Variants in ANK2 observed in about 807,000 individuals in gnomAD.
ANK2 encodes ankyrin 2, also known as ankyrin-2.
In ANK2, 83 loss-of-function variants were observed where a neutral mutation model predicts 360.5. That is an observed-to-expected ratio of 0.23 (90% confidence interval 0.19 to 0.28). ANK2 has a LOEUF of 0.28. ANK2 is among the 10% of genes least tolerant of loss of function. The probability of loss-of-function intolerance (pLI) is 1.00; values close to 1 mark genes in which losing one functional copy is unlikely to be tolerated. For missense variants in ANK2, 4,201 were observed against 4,795.7 expected (o/e 0.88, Z 3.66); for synonymous variants, 1,740 against 1,759.5 (o/e 0.99, Z 0.28).
At chr4:113,205,007 G>A (rs1033641521) in intron 4 of ANK2, among the ~76,000 whole-genome samples, 10 of 151,946 alleles carry the variant, frequency 6.6e-5, no homozygotes, top group Admixed American at 1.3e-4. Flanking sequence ...AGGCCGAGAC[G>A]GGCGGATCAC....
chr4:112,774,467 A>G, the ANK2 span, among the ~76,000 whole-genome samples: 2 of 152,152 alleles, frequency 1.3e-5, no homozygotes, highest in African/African-American at 4.8e-5. Flanking sequence ...CAGAGCTTGC[A>G]GTGAGCCGAG....
In ANK2 at chr4:113,353,130, C is replaced by T; in HGVS notation, c.4512C>T (p.Leu1504=). Reference sequence around the variant, plus strand: ...CTGTCCTAGCAAGTCCGGACTTGCTCTCTGAAGTTTCTGAGATGAAACAAG... The same window carrying T: ...CTGTCCTAGCAAGTCCGGACTTGCTTTCTGAAGTTTCTGAGATGAAACAAG... ...EVPVLASPDL[L]SEVSEMKQDL... Residue 1504 remains leucine (L), a synonymous_variant, in exon 38 of 46, where the codon CTC becomes CTT. Coordinates refer to ENST00000357077, the MANE Select transcript of ANK2 (RefSeq NM_001148.6). 6.2e-7 allele frequency: 1 copy of T among 1,614,070 alleles called. No individual in the cohort carries two copies. The highest frequency in any genetic ancestry group is 1.1e-5 in the South Asian group (1 of 91,076).
chr4:112,885,721 T>C (rs968309701), intron 1 of ANK2, among the ~76,000 whole-genome samples: 5 of 126,064 alleles, frequency 4.0e-5, no homozygotes, highest in African/African-American at 1.6e-4. Flanking sequence ...GGCGTGAACC[T>C]GGGAGACAGA....
At chr4:112,711,009 C>T in the ANK2 span, among the ~76,000 whole-genome samples, 5 of 150,508 alleles carry the variant, frequency 3.3e-5, no homozygotes, top group Admixed American at 6.6e-5. Context: ...AGGCTGGTCT[C>T]AAACTCCTCA....
At chr4:113,288,684 C>T (rs1383787462) in intron 20 of ANK2, among the ~76,000 whole-genome samples, 198 bp downstream of exon 20, 5 of 152,150 alleles carry the variant, frequency 3.3e-5, no homozygotes, top group East Asian at 1.9e-4. Context: ...AGGTTAGCTT[C>T]GAACTACTTC....
At chr4:113,011,559 G>A (rs777522115) in intron 2 of ANK2, among the ~76,000 whole-genome samples, 1 of 152,052 alleles carries the variant, frequency 6.6e-6, no homozygotes, top group Non-Finnish European at 1.5e-5. Flanking sequence ...GCCTAGAGTC[G>A]TTAATCATGA....
rs149270676 is a variant in ANK2 at position 113,278,568 on chromosome 4, A to G, written c.1881+10A>G. 2.5e-6 allele frequency: 4 copies of G among 1,612,782 alleles called. No individual in the cohort carries two copies. The African/African-American group carries it at 4.0e-5, about 16-fold the overall frequency. On this transcript the variant is annotated intron_variant, in intron 17 of 45. Transcript: ENST00000357077. ...TCATGCCACTGCCAAGGTGAGGACC[A>G]CAGAAAAGGATTTACAGGCATAGGG...
intron 45 of ANK2, among the ~76,000 whole-genome samples, chr4:113,379,051 G>A (rs1165814155): frequency 6.6e-6 from 1 of 152,014 alleles, no homozygotes; most frequent in African/African-American, 2.4e-5. Flanking sequence ...AATTAGAACA[G>A]CAAAATTAAA....
At chr4:113,320,177 G>A (rs1334066404) in intron 26 of ANK2, among the ~76,000 whole-genome samples, 1 of 152,064 alleles carries the variant, frequency 6.6e-6, no homozygotes, top group African/African-American at 2.4e-5. Flanking sequence ...AGTAATTATG[G>A]TGCACTACTT....
chr4:113,023,215 A>G (rs2058551125), intron 2 of ANK2, among the ~76,000 whole-genome samples: 1 of 152,250 alleles, frequency 6.6e-6, no homozygotes. Flanking sequence ...GCTAAAGATT[A>G]TAGTGAAATC....
At chr4:112,756,385 CG>C in the ANK2 span, among the ~76,000 whole-genome samples, 1 of 152,100 alleles carries the variant, frequency 6.6e-6, no homozygotes, top group Non-Finnish European at 1.5e-5. Context: ...TATCAATTCA[CG>C]TAGAACTAAC....
chr4:112,866,383 A>T (rs2070541840), intron 1 of ANK2, among the ~76,000 whole-genome samples: 1 of 152,228 alleles, frequency 6.6e-6, no homozygotes, highest in African/African-American at 2.4e-5. Context: ...GTGAGAGTAT[A>T]TAATGACAAT....
At chr4:113,004,436 C>T (rs897114405) in intron 2 of ANK2, among the ~76,000 whole-genome samples, 6 of 151,980 alleles carry the variant, frequency 3.9e-5, no homozygotes, top group South Asian at 2.1e-4. Context: ...ACAGTAGCCT[C>T]GCCCTACATA....
chr4:113,356,887 A>G lies in ANK2; in HGVS notation c.8269A>G (p.Arg2757Gly). ...RHAVSTEAED[R>G]SYDKLNRDTD... ...TGCTGTTTCCACTGAGGCTGAAGAC[A>G]GGTCTTATGATAAGCTAAACAGAGA... Residue 2757 changes from arginine to glycine, a missense_variant, in exon 38 of 46, where the codon AGG becomes GGG. This residue lies in a region of ANK2 where 2,642 missense variants were observed against 2,714.5 expected (regional missense o/e 0.97). Transcript: ENST00000357077. 1.2e-6 allele frequency: 2 copies of G among 1,614,088 alleles called. No individual in the cohort carries two copies. The highest frequency in any genetic ancestry group is 2.2e-5 in the South Asian group (2 of 91,084).
intron 23 of ANK2, among the ~76,000 whole-genome samples, chr4:113,306,999 C>G (rs1187000645): frequency 1.3e-5 from 2 of 152,216 alleles, no homozygotes; most frequent in Non-Finnish European, 2.9e-5. Flanking sequence ...CCTGTCTTCG[C>G]TGACTTGGCT....
At chr4:112,923,238 C>G (rs969488092) in intron 2 of ANK2, among the ~76,000 whole-genome samples, 1 of 152,090 alleles carries the variant, frequency 6.6e-6, no homozygotes, top group Non-Finnish European at 1.5e-5. Context: ...AAAAATTGCT[C>G]TAAGGGATAA....
At chr4:112,795,558 C>T in the ANK2 span, among the ~76,000 whole-genome samples, 1 of 152,186 alleles carries the variant, frequency 6.6e-6, no homozygotes. Flanking sequence ...GGCTGGAGTA[C>T]AGTGGTGCGA....
intron 34 of ANK2, among the ~76,000 whole-genome samples, chr4:113,344,560 TTAAAG>T (rs1431627255): frequency 6.6e-6 from 1 of 152,134 alleles, no homozygotes; most frequent in Admixed American, 6.5e-5. Flanking sequence ...CCACAAGAAT[TTAAAG>T]TAGAGACTCA....
rs548987803 is a variant in ANK2 at position 113,132,666 on chromosome 4, G to A, written c.85-41750G>A. On this transcript the variant is annotated intron_variant, in intron 1 of 45. Coordinates refer to ENST00000357077, the MANE Select transcript of ANK2 (RefSeq NM_001148.6). ...GGGTGGGGTGAAGAGAACTGATCTA[G>A]AGTAGATCATACTGGGTCCTACAGG... Among the ~76,000 whole-genome samples, 4 of 152,214 alleles carry A rather than the reference G, an allele frequency of 2.6e-5. No homozygotes were observed. The South Asian group carries it at 8.3e-4, about 32-fold the overall frequency.
Sources: gnomAD v4.1 joint callset for allele counts (sites outside exome capture counted in the v4.1 genomes callset) on GRCh38, gnomAD v4.1.1 for gene constraint, gnomAD v4.1.1 regional missense constraint, MANE v1.5 for transcripts, NCBI Gene and HGNC (gene_info 2026-07-23, HGNC 2026-07-21) for gene names.